Variants in PDLIM5 observed in about 807,000 individuals in gnomAD.
PDLIM5 encodes the protein PDZ and LIM domain 5.
In PDLIM5, 34 loss-of-function variants were observed where a neutral mutation model predicts 64.2. The ratio of observed to expected loss-of-function variants is 0.53; its 90% CI spans 0.40 to 0.71. The LOEUF is 0.71. Ranked by LOEUF, PDLIM5 falls within the 30% of genes least tolerant of loss-of-function variation. PDLIM5 has a pLI of 0.00. For synonymous variants in PDLIM5, 253 were observed against 269.1 expected (o/e 0.94, Z 0.59); for missense variants, 683 against 733.6 (o/e 0.93, Z 0.80).
chr4:94,582,847 A>G, intron 5 of PDLIM5: 1 of 716,082 alleles, frequency 1.4e-6, no homozygotes, highest in Admixed American at 2.6e-5. Context: ...GAATTTTCAA[A>G]AATGTTAAGG....
At chr4:94,496,039 A>T (rs929772422) in intron 2 of PDLIM5, among the ~76,000 whole-genome samples, 4 of 151,134 alleles carry the variant, frequency 2.6e-5, no homozygotes, top group African/African-American at 9.9e-5. Context: ...TTCATTAAAG[A>T]ATATGTGACA....
intron 7 of PDLIM5, among the ~76,000 whole-genome samples, chr4:94,598,909 CA>C (rs749542629): frequency 6.6e-6 from 1 of 152,032 alleles, no homozygotes; most frequent in Non-Finnish European, 1.5e-5. Context: ...GCAGAAGGAA[CA>C]GCAAATGCAG....
chr4:94,647,626 T>G (rs1477020518), intron 9 of PDLIM5, among the ~76,000 whole-genome samples: 1 of 152,116 alleles, frequency 6.6e-6, no homozygotes, highest in Admixed American at 6.5e-5. Context: ...CTAGAAAACT[T>G]GAACAACACT....
chr4:94,596,257 A>G (rs903852249), intron 7 of PDLIM5, among the ~76,000 whole-genome samples: 44 of 152,280 alleles, frequency 2.9e-4, no homozygotes, highest in African/African-American at 9.9e-4. Flanking sequence ...TTAAACGTGT[A>G]CTATTAGCAC....
chr4:94,477,289 G>A (rs769449909), intron 2 of PDLIM5, among the ~76,000 whole-genome samples: 1 of 152,142 alleles, frequency 6.6e-6, no homozygotes, highest in Non-Finnish European at 1.5e-5. Flanking sequence ...CTATATCCTG[G>A]TATTTAGGAA....
At chr4:94,622,955 C>T (rs1015284379) in intron 8 of PDLIM5, among the ~76,000 whole-genome samples, 2 of 152,130 alleles carry the variant, frequency 1.3e-5, no homozygotes, top group Non-Finnish European at 2.9e-5. Context: ...AGGCATAAGC[C>T]ACCACGCCCG....
intron 3 of PDLIM5, among the ~76,000 whole-genome samples, chr4:94,547,299 G>C (rs1732409450): frequency 6.6e-6 from 1 of 152,078 alleles, no homozygotes; most frequent in African/African-American, 2.4e-5. Context: ...CTTCCTTTCT[G>C]AAGATTCTTG....
chr4:94,541,022 T>G (rs573730808), intron 3 of PDLIM5, among the ~76,000 whole-genome samples: 1 of 152,326 alleles, frequency 6.6e-6, no homozygotes, highest in Admixed American at 6.5e-5. Flanking sequence ...ATGTACCATC[T>G]GCGTGTATAC....
In PDLIM5 at chr4:94,567,231, G is replaced by C. The variant is rs547220680; in HGVS notation, c.249-6120G>C. ...GATGATCTCGATCTCCTGACCTCGT[G>C]ATCTGCCCACCTTGGCCTCCCAACT... On this transcript the variant is annotated intron_variant, in intron 3 of 12. Transcript: ENST00000317968. 6.6e-5 allele frequency among the ~76,000 whole-genome samples: 10 copies of C among 152,268 alleles called. No homozygotes were observed. In the South Asian group the frequency reaches 1.9e-3, roughly 28 times the overall value.
chr4:94,501,530 A>G (rs913493076), intron 2 of PDLIM5, among the ~76,000 whole-genome samples: 2 of 152,242 alleles, frequency 1.3e-5, no homozygotes, highest in African/African-American at 4.8e-5. Flanking sequence ...TAGCAATTTG[A>G]CAGTAATTTT....
chr4:94,504,233 A>G (rs902589124), intron 2 of PDLIM5, among the ~76,000 whole-genome samples: 2 of 152,078 alleles, frequency 1.3e-5, no homozygotes, highest in Non-Finnish European at 2.9e-5. Context: ...AAAGTTTGTG[A>G]TCTGATTGAA....
intron 2 of PDLIM5, among the ~76,000 whole-genome samples, chr4:94,477,954 C>A (rs1319161416): frequency 6.6e-6 from 1 of 152,110 alleles, no homozygotes; most frequent in Non-Finnish European, 1.5e-5. Flanking sequence ...ATTTCTTTAG[C>A]TTACTTTAAG....
At chr4:94,570,435 A>G (rs1044592972) in intron 3 of PDLIM5, among the ~76,000 whole-genome samples, 7 of 152,222 alleles carry the variant, frequency 4.6e-5, no homozygotes, top group Non-Finnish European at 1.0e-4. Context: ...GTGCATGTGT[A>G]TGTGAAGAGT....
chr4:94,548,936 G>A (rs1732556199), intron 3 of PDLIM5, among the ~76,000 whole-genome samples: 1 of 151,030 alleles, frequency 6.6e-6, no homozygotes, highest in Admixed American at 6.6e-5. Context: ...CCATTGCCTT[G>A]GCAATATTTC....
chr4:94,480,987 A>G (rs948082341), intron 2 of PDLIM5, among the ~76,000 whole-genome samples: 3 of 152,242 alleles, frequency 2.0e-5, no homozygotes, highest in Admixed American at 6.5e-5. Context: ...GAACCTTGAT[A>G]TTAAATGATG....
At chr4:94,530,964 G>C (rs148400869) in intron 3 of PDLIM5, among the ~76,000 whole-genome samples, 3 of 152,172 alleles carry the variant, frequency 2.0e-5, no homozygotes, top group Non-Finnish European at 4.4e-5. Context: ...CAATAGAATA[G>C]AGGCAGGAGT....
intron 3 of PDLIM5, among the ~76,000 whole-genome samples, chr4:94,530,079 A>G (rs958573671): frequency 1.3e-5 from 2 of 152,220 alleles, no homozygotes; most frequent in Non-Finnish European, 2.9e-5. Flanking sequence ...TTAGCTACAT[A>G]GTAGGACATA....
intron 3 of PDLIM5, among the ~76,000 whole-genome samples, chr4:94,528,252 C>T (rs546365395): frequency 1.3e-5 from 2 of 152,302 alleles, no homozygotes; most frequent in South Asian, 2.1e-4. Context: ...GTCTCCTGCC[C>T]ACAGTCTGTT....
chr4:94,516,527 T>C (rs546253786), intron 2 of PDLIM5, among the ~76,000 whole-genome samples: 1 of 152,100 alleles, frequency 6.6e-6, no homozygotes, highest in East Asian at 1.9e-4. Flanking sequence ...TCTCTCTCTC[T>C]CTCTCTTTTT....
Sources: allele counts gnomAD v4.1 joint callset (sites outside exome capture counted in the v4.1 genomes callset), GRCh38; gene constraint gnomAD v4.1.1; transcripts MANE v1.5; gene names NCBI Gene and HGNC (gene_info 2026-07-23, HGNC 2026-07-21).